The following PLCG2 variants were observed in gnomAD, a reference collection of about 807,000 sequenced individuals.
PLCG2 encodes the protein phospholipase C gamma 2, also known as 1-phosphatidylinositol 4,5-bisphosphate phosphodiesterase gamma-2.
In PLCG2, 69 loss-of-function variants were observed where a neutral mutation model predicts 175.6. The observed-to-expected ratio is 0.39, with a 90% CI of 0.32 to 0.48. PLCG2 has a LOEUF of 0.48. PLCG2 is among the 20% of genes least tolerant of loss of function. The pLI is 0.91. For missense variants in PLCG2, 1,798 were observed against 1,650.9 expected, an observed-to-expected ratio of 1.09 and a Z score of -1.54; for synonymous variants, 827 against 624.0, an observed-to-expected ratio of 1.33 and a Z score of -4.85.
At chr16:81,943,828 G>C (rs1184376074) in intron 30 of PLCG2, among the ~76,000 whole-genome samples, 3 of 152,238 alleles carry the variant, frequency 2.0e-5, no homozygotes, top group Non-Finnish European at 2.9e-5. Flanking sequence ...TATTCAATGA[G>C]AGCAATGTCC....
intron 7 of PLCG2, among the ~76,000 whole-genome samples, chr16:81,871,896 A>G (rs1907536177): frequency 6.6e-6 from 1 of 152,112 alleles, no homozygotes; most frequent in Non-Finnish European, 1.5e-5. Flanking sequence ...GTCTATCCAT[A>G]TTATGTGACA....
At chr16:81,844,889 T>A (rs1906032098) in intron 2 of PLCG2, among the ~76,000 whole-genome samples, 1 of 152,200 alleles carries the variant, frequency 6.6e-6, no homozygotes. Context: ...TACATAAGGA[T>A]CTGCCTCCTT....
rs4889419 is a variant in PLCG2 at position 81,869,385 on chromosome 16, G to A, written c.564+87G>A. The stretch of plus-strand genomic sequence containing the variant: ...AAGCCGTGGCTTGCCTTTGAGTTCC[G>A]TGGAATAGTGCACAAGAAAATCCTT... On this transcript the variant is annotated intron_variant, in intron 6 of 32. Coordinates refer to ENST00000564138, the MANE Select transcript of PLCG2 (RefSeq NM_002661.5). 200,846 of 893,254 alleles carry A rather than the reference G, an allele frequency of 0.22. 23,823 individuals carry two copies. Among genetic ancestry groups the A allele is most frequent in the South Asian group, 0.31 (22,742 of 74,092 alleles). 55.3% of individuals were successfully genotyped at this position (893,254 alleles called of 1,614,324 possible).
intron 11 of PLCG2, 46 bp from the exon 12 acceptor site, chr16:81,893,663 C>A: frequency 8.4e-7 from 1 of 1,192,236 alleles, no homozygotes; most frequent in Non-Finnish European, 1.3e-6. Flanking sequence ...CCCCCCAACC[C>A]CTGTGGCTGC....
intron 2 of PLCG2, among the ~76,000 whole-genome samples, chr16:81,835,585 A>G (rs1479539560): frequency 3.4e-5 from 2 of 58,904 alleles, no homozygotes; most frequent in Non-Finnish European, 9.2e-5. Flanking sequence ...TCTCAAATAT[A>G]ATAATAATAA....
At position 81,956,929 on chromosome 16, in the gene PLCG2, G is replaced by A. The variant is rs371874218; in HGVS notation, c.3755+50G>A. On this transcript the variant is annotated intron_variant, in intron 32 of 32. Coordinates refer to ENST00000564138, the MANE Select transcript of PLCG2 (RefSeq NM_002661.5). ...AAACTTTTGGGGGGTCTCTAGGCAC[G>A]GTGATGATGGGCACCACGGGCCAGG... 8.8e-6 allele frequency: 13 copies of A among 1,471,590 alleles called. 1 individual carries two copies. In the Admixed American group the frequency reaches 1.0e-4, roughly 12 times the overall value. 91.2% of individuals were successfully genotyped at this position (1,471,590 alleles called of 1,614,324 possible). A position where few individuals can be genotyped will look rare whatever the true frequency, so the allele number is the denominator to read the frequency against.
intron 2 of PLCG2, among the ~76,000 whole-genome samples, chr16:81,839,986 G>A (rs546031906): frequency 1.3e-5 from 2 of 152,358 alleles, no homozygotes; most frequent in African/African-American, 4.8e-5. Context: ...GAGCCTACGA[G>A]TTCAAGGATG....
chr16:81,756,615 G>A (rs1428740814), intron 2 of PLCG2, among the ~76,000 whole-genome samples: 1 of 152,128 alleles, frequency 6.6e-6, no homozygotes, highest in Non-Finnish European at 1.5e-5. Flanking sequence ...GGGAAAGAAG[G>A]AAGCTAAGTG....
chr16:81,926,167 G>T (rs953908402), intron 22 of PLCG2, among the ~76,000 whole-genome samples: 1 of 152,222 alleles, frequency 6.6e-6, no homozygotes, highest in Non-Finnish European at 1.5e-5. Context: ...TAGGGACGAC[G>T]GGCCAGCTGG....
intron 31 of PLCG2, among the ~76,000 whole-genome samples, chr16:81,947,859 A>AGATAGCCTGTATCTAACGACCGTTAC (rs1377815336): frequency 2.6e-5 from 4 of 152,230 alleles, no homozygotes; most frequent in African/African-American, 9.6e-5. Context: ...AGAGTCCCCC[A>AGATAGCCTGTATCTAACGACCGTTAC]GATAGCCTGT....
chr16:81,832,476 G>T (rs752541204), intron 2 of PLCG2, among the ~76,000 whole-genome samples: 2 of 152,174 alleles, frequency 1.3e-5, no homozygotes, highest in African/African-American at 4.8e-5. Context: ...TGCAACCTCT[G>T]TCTCCTGGGT....
intron 21 of PLCG2, chr16:81,921,636 T>G: frequency 3.0e-6 from 1 of 332,834 alleles, no homozygotes; most frequent in Non-Finnish European, 5.8e-6. Context: ...AAATGCTATC[T>G]CATATTCCCA....
At position 81,900,684 on chromosome 16, in the gene PLCG2, G is replaced by A. The variant is rs1172331098; in HGVS notation, c.1266G>A (p.Lys422=). The part of the protein sequence containing the change: ...EQQRHMAKAF[K]EVFGDLLLTK... Reference sequence around the variant, plus strand: ...AGCGTCACATGGCCAAGGCCTTCAAGGAAGTATTTGGCGACCTGCTGTTGA... The same window carrying A: ...AGCGTCACATGGCCAAGGCCTTCAAAGAAGTATTTGGCGACCTGCTGTTGA... Residue 422 remains lysine (K), a synonymous_variant, in exon 14 of 33, where the codon AAG becomes AAA. Transcript: ENST00000564138. 6.2e-7 allele frequency: 1 copy of A among 1,613,336 alleles called. No homozygotes were observed. The highest frequency in any genetic ancestry group is 8.5e-7 in the Non-Finnish European group (1 of 1,179,288).
At chr16:81,805,530 A>G (rs1911963500) in intron 2 of PLCG2, among the ~76,000 whole-genome samples, 1 of 150,936 alleles carries the variant, frequency 6.6e-6, no homozygotes, top group African/African-American at 2.4e-5. Flanking sequence ...AAAACGCAAG[A>G]AAACAACAAA....
At chr16:81,933,867 G>A (rs902750381) in intron 25 of PLCG2, among the ~76,000 whole-genome samples, 2 of 152,222 alleles carry the variant, frequency 1.3e-5, no homozygotes, top group African/African-American at 4.8e-5. Flanking sequence ...CAAGGAGTTA[G>A]ATTTGATGGT....
At chr16:81,869,086 G>A in intron 5 of PLCG2, 128 bp from the exon 6 acceptor site, 1 of 698,640 alleles carries the variant, frequency 1.4e-6, no homozygotes, top group Non-Finnish European at 2.6e-6. Context: ...CCAGTTAGTG[G>A]TCCATAAATA....
intron 1 of PLCG2, among the ~76,000 whole-genome samples, chr16:81,742,364 T>G: frequency 6.6e-6 from 1 of 151,404 alleles, no homozygotes; most frequent in East Asian, 1.9e-4. Flanking sequence ...AGGTGCAGAG[T>G]TGAGGATGGT....
chr16:81,764,630 G>C (rs984283665), intron 2 of PLCG2, among the ~76,000 whole-genome samples: 2 of 152,200 alleles, frequency 1.3e-5, no homozygotes, highest in African/African-American at 4.8e-5. Context: ...AGAGGACTTT[G>C]GCAAGCCTAA....
intron 2 of PLCG2, among the ~76,000 whole-genome samples, chr16:81,831,473 A>G (rs1163921987): frequency 1.3e-5 from 2 of 152,188 alleles, no homozygotes; most frequent in East Asian, 1.9e-4. Flanking sequence ...CCTCATGTCA[A>G]TGCCACGAAA....
Sources: gnomAD v4.1 joint callset for allele counts (sites outside exome capture counted in the v4.1 genomes callset) on GRCh38, gnomAD v4.1.1 for gene constraint, MANE v1.5 for transcripts, NCBI Gene and HGNC (gene_info 2026-07-23, HGNC 2026-07-21) for gene names.